Variants in ATP11A observed in about 807,000 individuals in gnomAD.
The protein encoded by ATP11A is phospholipid-transporting ATPase IH.
ATP11A carries 81 observed loss-of-function variants against 154.4 expected under a neutral mutation model. That is an observed-to-expected ratio of 0.52 (90% CI 0.44 to 0.63). The LOEUF (loss-of-function observed/expected upper bound fraction) is 0.63. ATP11A is among the 30% of genes least tolerant of loss of function. The pLI is 0.00. For missense variants in ATP11A, 1,316 were observed against 1,474.3 expected (o/e 0.89, Z 1.76); for synonymous variants, 623 against 585.9 (o/e 1.06, Z -0.91).
At chr13:112,776,743 T>A (rs931166685) in intron 1 of ATP11A, among the ~76,000 whole-genome samples, 1 of 152,138 alleles carries the variant, frequency 6.6e-6, no homozygotes, top group African/African-American at 2.4e-5. Flanking sequence ...ACTACAGGCA[T>A]GTGCCACCAC....
At chr13:112,747,655 G>A (rs1892329651) in intron 1 of ATP11A, among the ~76,000 whole-genome samples, 1 of 152,164 alleles carries the variant, frequency 6.6e-6, no homozygotes, top group African/African-American at 2.4e-5. Flanking sequence ...GGCCAACATG[G>A]GGAAACCCCA....
chr13:112,745,691 A>C (rs2139776721), intron 1 of ATP11A: 1 of 152,338 alleles, frequency 6.6e-6, no homozygotes, highest in East Asian at 1.9e-4. Context: ...GAGAAGCATA[A>C]AACAAAAAGA....
At chr13:112,864,155 TCAC>T (rs1373151644) in intron 25 of ATP11A, among the ~76,000 whole-genome samples, 2 of 107,596 alleles carry the variant, frequency 1.9e-5, no homozygotes, top group Admixed American at 2.1e-4. Flanking sequence ...GCGGGGTCCA[TCAC>T]CACCTGCGCA....
chr13:112,871,426 C>G (rs766314853), intron 25 of ATP11A, among the ~76,000 whole-genome samples: 3 of 152,108 alleles, frequency 2.0e-5, no homozygotes, highest in Non-Finnish European at 4.4e-5. Context: ...TCTGTTGTGG[C>G]TGAGAGCATT....
chr13:112,805,058 C>A lies in ATP11A; in HGVS notation c.252+12C>A. ...TATTTCTGGTGCAGGTAAGGCCGGT[C>A]ATTGTTTTCCATCTCATCACATATA... On this transcript the variant is annotated intron_variant, in intron 3 of 29. Transcript: ENST00000375645. The A allele has an allele frequency of 1.3e-6, 2 of 1,566,162 alleles. No individual in the cohort carries two copies. The highest frequency in any genetic ancestry group is 1.7e-6 in the Non-Finnish European group (2 of 1,145,106).
At chr13:112,745,626 A>G (rs1178615114) in intron 1 of ATP11A, 2 of 152,324 alleles carry the variant, frequency 1.3e-5, no homozygotes, top group African/African-American at 2.4e-5. Context: ...TCACAGCTAT[A>G]TATTAGAATC....
At chr13:112,816,554 G>A (rs2078651792) in intron 6 of ATP11A, among the ~76,000 whole-genome samples, 2 of 152,152 alleles carry the variant, frequency 1.3e-5, no homozygotes, top group Admixed American at 6.5e-5. Flanking sequence ...TGCAGGAGCA[G>A]CCATAACCTA....
intron 1 of ATP11A, among the ~76,000 whole-genome samples, chr13:112,738,843 C>A (rs1207052184): frequency 6.6e-6 from 1 of 151,848 alleles, no homozygotes; most frequent in African/African-American, 2.4e-5. Context: ...TCGTGTCCCA[C>A]TGTGAGTCTA....
intron 16 of ATP11A, among the ~76,000 whole-genome samples, chr13:112,836,728 CTG>C (rs2079244631): frequency 6.6e-6 from 1 of 152,242 alleles, no homozygotes; most frequent in South Asian, 2.1e-4. Context: ...AACAGTGTGT[CTG>C]TGAGAACAGC....
At position 112,883,707 on chromosome 13, in the gene ATP11A, C is replaced by G. The variant is rs1298471442; in HGVS notation, c.*1841C>G. Reference sequence around the variant, plus strand: ...CAGACAGAACGGGGAAGACTCCACTCTGTCCCGAGGGGCCAGCCGCAGGCG... The same window carrying G: ...CAGACAGAACGGGGAAGACTCCACTGTGTCCCGAGGGGCCAGCCGCAGGCG... On this transcript the variant is annotated 3_prime_UTR_variant, in exon 30 of 30. Transcript: ENST00000375645. The G allele has an allele frequency of 1.3e-5, 2 of 152,652 alleles. No homozygotes were observed. The highest frequency in any genetic ancestry group is 4.8e-5 in the African/African-American group (2 of 41,470). 9.5% of individuals were successfully genotyped at this position (152,652 alleles called of 1,614,324 possible).
chr13:112,783,761 G>A (rs959196823), intron 1 of ATP11A, among the ~76,000 whole-genome samples: 7 of 152,260 alleles, frequency 4.6e-5, no homozygotes, highest in East Asian at 1.9e-4. Context: ...CAGATGTGGC[G>A]TTTGGATTTC....
At chr13:112,745,088 G>A (rs762736460) in intron 1 of ATP11A, among the ~76,000 whole-genome samples, 3 of 152,294 alleles carry the variant, frequency 2.0e-5, no homozygotes, top group Non-Finnish European at 2.9e-5. Context: ...TATTTGAGAC[G>A]GAGTCTTACT....
rs1405485333 is a variant in ATP11A at position 112,852,128 on chromosome 13, C to T, written c.1991+910C>T. ...AACAGTCGTCTGGTCCACATGGTGC[C>T]TTCCGAGCTGAGTGAAAGGCATGGA... On this transcript the variant is annotated intron_variant, in intron 18 of 29. Transcript: ENST00000375645. Among the ~76,000 whole-genome samples the T allele has an allele frequency of 2.0e-5, 3 of 152,102 alleles. No homozygotes were observed. In the East Asian group the frequency reaches 5.8e-4, roughly 29 times the overall value.
intron 1 of ATP11A, among the ~76,000 whole-genome samples, chr13:112,720,698 C>T (rs1403706188): frequency 6.6e-6 from 1 of 152,124 alleles, no homozygotes; most frequent in Non-Finnish European, 1.5e-5. Context: ...GCTGGGACTA[C>T]AGGTGTGCAC....
rs1395142153 is a variant in ATP11A at position 112,753,430 on chromosome 13, C to T, written c.40-31705C>T. 2.6e-5 allele frequency among the ~76,000 whole-genome samples: 4 copies of T among 152,236 alleles called. No individual in the cohort carries two copies. Among genetic ancestry groups the T allele is most frequent in the East Asian group, 3.8e-4 (2 of 5,198 alleles). ...TCAGTGCCGTAGGAGGATGCCTGTT[C>T]TCCACCTACCTCGCCAGCAGCCTGC... On this transcript the variant is annotated intron_variant, in intron 1 of 29. Coordinates refer to ENST00000375645, the MANE Select transcript of ATP11A (RefSeq NM_015205.3). The surrounding 1 kb of genome is among the most constrained non-coding windows in gnomAD (Gnocchi z 4.1).
chr13:112,848,931 G>A (rs1028715730), intron 17 of ATP11A, among the ~76,000 whole-genome samples: 2 of 152,188 alleles, frequency 1.3e-5, no homozygotes, highest in Non-Finnish European at 2.9e-5. Flanking sequence ...CAGGTGATCT[G>A]CCCACCTCAG....
At chr13:112,725,733 A>G (rs1889782824) in intron 1 of ATP11A, among the ~76,000 whole-genome samples, 1 of 152,232 alleles carries the variant, frequency 6.6e-6, no homozygotes, top group Non-Finnish European at 1.5e-5. Context: ...TTCCTTGGAC[A>G]GGAGAAGCTT....
chr13:112,711,387 C>G (rs282572), intron 1 of ATP11A, among the ~76,000 whole-genome samples: 151,707 of 152,260 alleles, frequency 1, 75,582 homozygotes, highest in South Asian at 1. Flanking sequence ...GGATCAGATC[C>G]CCTGAGCCCA....
At chr13:112,777,116 A>G (rs928128605) in intron 1 of ATP11A, among the ~76,000 whole-genome samples, 3 of 152,198 alleles carry the variant, frequency 2.0e-5, no homozygotes, top group East Asian at 3.9e-4. Context: ...CACTGAACAC[A>G]GGTCCTGGGC....
Sources: gnomAD v4.1 joint callset for allele counts (sites outside exome capture counted in the v4.1 genomes callset) on GRCh38, gnomAD v4.1.1 for gene constraint, Gnocchi (gnomAD v3.1) non-coding constraint, MANE v1.5 for transcripts, NCBI Gene and HGNC (gene_info 2026-07-23, HGNC 2026-07-21) for gene names.